Variants in MID2 observed in about 807,000 individuals in gnomAD.
MID2 encodes midline 2, also known as probable E3 ubiquitin-protein ligase MID2.
MID2 carries 13 observed loss-of-function variants against 46.1 expected under a neutral mutation model. The ratio of observed to expected loss-of-function variants is 0.28; its 90% confidence interval spans 0.18 to 0.45. MID2 has a LOEUF of 0.45. Ranked by LOEUF, MID2 falls within the 20% of genes least tolerant of loss-of-function variation. MID2 has a pLI of 1.00. For missense variants in MID2, 431 were observed against 575.4 expected (o/e 0.75, Z 2.57); for synonymous variants, 199 against 212.3 (o/e 0.94, Z 0.55).
chrX:107,916,407 A>C (rs1932971707), intron 6 of MID2, among the ~76,000 whole-genome samples: 1 of 112,339 alleles, frequency 8.9e-6, no homozygotes, highest in Non-Finnish European at 1.9e-5. Context: ...TTATGAATCT[A>C]ACAGTAATGT....
At chrX:107,829,431 T>C (rs1347900896) in intron 1 of MID2, among the ~76,000 whole-genome samples, 1 of 112,689 alleles carries the variant, frequency 8.9e-6, no homozygotes, top group East Asian at 2.7e-4. Context: ...TAATGCACTC[T>C]AACCTAACAA....
intron 7 of MID2, among the ~76,000 whole-genome samples, chrX:107,919,644 T>C (rs1032760183): frequency 8.9e-6 from 1 of 112,159 alleles, no homozygotes; most frequent in Non-Finnish European, 1.9e-5. Flanking sequence ...CTCCTGATTA[T>C]CACTGTGCTT....
intron 3 of MID2, among the ~76,000 whole-genome samples, chrX:107,872,376 C>T (rs938754617): frequency 8.9e-5 from 10 of 112,555 alleles, no homozygotes; most frequent in African/African-American, 3.2e-4. Context: ...ATTCTGAAAT[C>T]AACATTATAC....
intron 1 of MID2, among the ~76,000 whole-genome samples, chrX:107,836,137 G>A (rs1256161719): frequency 8.9e-6 from 1 of 112,374 alleles, no homozygotes; most frequent in African/African-American, 3.2e-5. Context: ...CCATCGAATG[G>A]TCTTGGAACC....
intron 3 of MID2, among the ~76,000 whole-genome samples, chrX:107,857,212 T>C (rs1250672200): frequency 9.0e-6 from 1 of 111,624 alleles, no homozygotes; most frequent in East Asian, 2.8e-4. Flanking sequence ...GGATGGCTTA[T>C]GGAAGGCCAT....
chrX:107,904,489 G>A (rs753018191), intron 4 of MID2, among the ~76,000 whole-genome samples: 5 of 111,328 alleles, frequency 4.5e-5, no homozygotes, highest in South Asian at 3.8e-4. Flanking sequence ...GGAGAAAGAC[G>A]GATTGATATG....
At chrX:107,868,579 G>T (rs1212007936) in intron 3 of MID2, among the ~76,000 whole-genome samples, 1 of 111,268 alleles carries the variant, frequency 9.0e-6, no homozygotes, top group East Asian at 2.8e-4. Context: ...AAAGATGATT[G>T]TTTCCTTATT....
Position 107,890,500 on chromosome X carries a change from C to T in MID2, c.817-13458C>T, listed in dbSNP as rs1230004158. Among the ~76,000 whole-genome samples, 7 of 111,621 alleles carry T rather than the reference C, an allele frequency of 6.3e-5. No individual in the cohort carries two copies. In the South Asian group the frequency reaches 2.3e-3, roughly 37 times the overall value. On this transcript the variant is annotated intron_variant, in intron 3 of 9. Coordinates refer to ENST00000262843, the MANE Select transcript of MID2 (RefSeq NM_012216.4). The stretch of plus-strand genomic sequence containing the variant: ...GGAAGTTTTGTCTCAGAGGAGTACC[C>T]GGCCTTGTGAGGTATCAGTCTGCCC...
intron 3 of MID2, among the ~76,000 whole-genome samples, chrX:107,857,527 C>T (rs910769137): frequency 3.6e-5 from 4 of 111,858 alleles, no homozygotes; most frequent in East Asian, 2.8e-4. Flanking sequence ...GCAATCCACC[C>T]GCCTTGGCCT....
chrX:107,898,205 A>G (rs2147859719), intron 3 of MID2, among the ~76,000 whole-genome samples: 1 of 112,206 alleles, frequency 8.9e-6, no homozygotes, highest in East Asian at 2.8e-4. Flanking sequence ...TGACATTTTT[A>G]TCCAAGTACT....
Position 107,917,593 on chromosome X carries a change from G to C in MID2, c.1289G>C (p.Ser430Thr). 2 of 1,211,096 alleles carry C rather than the reference G, an allele frequency of 1.7e-6. No homozygotes were observed. The highest frequency in any genetic ancestry group is 2.2e-6 in the Non-Finnish European group (2 of 894,871). Residue 430 changes from serine (S) to threonine (T), a missense_variant, in exon 7 of 10, where the codon AGC becomes ACC. Transcript: ENST00000262843. ...CACTGGATCTCGGATGATGAGTTCA[G>C]CATCAGCTCCTATGAGCTTCAGTAC... ...TVHWISDDEF[S>T]ISSYELQYTI...
intron 3 of MID2, among the ~76,000 whole-genome samples, chrX:107,879,748 T>C (rs1932282461): frequency 9.0e-6 from 1 of 111,492 alleles, no homozygotes; most frequent in Non-Finnish European, 1.9e-5. Context: ...TTCAAGTGGT[T>C]AAGGATTTGG....
intron 5 of MID2, among the ~76,000 whole-genome samples, chrX:107,912,346 A>G (rs1214952802): frequency 8.9e-6 from 1 of 111,761 alleles, no homozygotes; most frequent in African/African-American, 3.3e-5. Context: ...CTGCTCTCCA[A>G]CCCTCTGAAA....
intron 2 of MID2, among the ~76,000 whole-genome samples, chrX:107,851,956 G>A (rs911723706): frequency 3.6e-5 from 4 of 110,282 alleles, no homozygotes; most frequent in African/African-American, 1.3e-4. Flanking sequence ...GCAATAGTAC[G>A]ATCTCGGCTC....
intron 3 of MID2, chrX:107,901,228 T>C (rs1932792554): frequency 8.9e-6 from 1 of 111,773 alleles, no homozygotes; most frequent in South Asian, 3.8e-4. Flanking sequence ...TTGTAAACAC[T>C]ACTGCACTTG....
At chrX:107,868,016 G>A (rs1931993503) in intron 3 of MID2, among the ~76,000 whole-genome samples, 1 of 111,851 alleles carries the variant, frequency 8.9e-6, no homozygotes, top group Admixed American at 9.5e-5. Context: ...TCTTTTTGAG[G>A]TGATGGAATT....
chrX:107,880,376 C>T (rs1489458349), intron 3 of MID2, among the ~76,000 whole-genome samples: 1 of 111,397 alleles, frequency 9.0e-6, no homozygotes, highest in Non-Finnish European at 1.9e-5. Context: ...CCCACTTCAG[C>T]CTCCCAAAGT....
chrX:107,887,677 T>C (rs1333033258), intron 3 of MID2, among the ~76,000 whole-genome samples: 1 of 111,949 alleles, frequency 8.9e-6, no homozygotes, highest in Non-Finnish European at 1.9e-5. Flanking sequence ...TTCTATTGAT[T>C]GGAATAGTTT....
intron 1 of MID2, among the ~76,000 whole-genome samples, chrX:107,838,787 A>G (rs6622268): frequency 0.3 from 33,166 of 110,942 alleles, 6,915 homozygotes; most frequent in African/African-American, 0.75. Context: ...ACAAGATAAT[A>G]AACAAAAGCT....
Sources: allele counts gnomAD v4.1 joint callset (sites outside exome capture counted in the v4.1 genomes callset), GRCh38; gene constraint gnomAD v4.1.1; transcripts MANE v1.5; gene names NCBI Gene and HGNC (gene_info 2026-07-23, HGNC 2026-07-21).